The following SH2B1 variants were observed in gnomAD, a reference collection of about 807,000 sequenced individuals.
The protein encoded by SH2B1 is SH2B adapter protein 1.
In SH2B1, 15 loss-of-function variants were observed where a neutral mutation model predicts 62.6. That is an observed-to-expected ratio of 0.24 (90% CI 0.16 to 0.37). The LOEUF (loss-of-function observed/expected upper bound fraction) is 0.37, where lower values mean the gene tolerates loss of function less well. Among genes scored for constraint, SH2B1 ranks in the 10% least tolerant of loss-of-function variants. SH2B1 has a pLI of 1.00. For missense variants in SH2B1, 925 were observed against 1,015.6 expected (o/e 0.91, Z 1.21); for synonymous variants, 443 against 438.0 (o/e 1.01, Z -0.14).
upstream of SH2B1, among the ~76,000 whole-genome samples, chr16:28,859,874 C>A (rs1009837662): frequency 2.8e-5 from 3 of 108,526 alleles, no homozygotes; most frequent in Non-Finnish European, 6.5e-5. Context: ...ATAGACCCCC[C>A]CCCCCCGGCT....
intron 1 of SH2B1, among the ~76,000 whole-genome samples, chr16:28,852,926 TTTTA>T (rs1450759364): frequency 9.8e-5 from 4 of 40,800 alleles, no homozygotes; most frequent in South Asian, 1.6e-3. Context: ...ATATATATAT[TTTTA>T]TATATATGTA....
rs775649301 is a variant in SH2B1, at chr16:28,866,358, G to A, written c.264G>A (p.Ser88=). 3.0e-5 allele frequency: 48 copies of A among 1,612,892 alleles called. No individual in the cohort carries two copies. Among genetic ancestry groups the A allele is most frequent in the Middle Eastern group, 1.7e-4 (1 of 6,060 alleles). Residue 88 remains serine (S), a synonymous_variant, in exon 1 of 8, where the codon TCG becomes TCA. Coordinates refer to ENST00000684370, the MANE Select transcript of SH2B1 (RefSeq NM_001387430.1). The surrounding 1 kb of genome is among the most constrained non-coding windows in gnomAD (Gnocchi z 6.3). ...AEVARASGSL[S]PPILAPLSPG... ...TGGCCCGGGCCTCTGGCTCCCTGTC[G>A]CCACCCATCCTGGCTCCCCTGAGCC...
At chr16:28,863,616 C>T, upstream of SH2B1, 2 of 1,445,996 alleles carry the variant, frequency 1.4e-6, no homozygotes, top group Non-Finnish European at 1.9e-6. Flanking sequence ...TCCGGGAGGA[C>T]GCTCTGGTGG....
intron 1 of SH2B1, among the ~76,000 whole-genome samples, chr16:28,851,761 C>A (rs1338725423): frequency 6.7e-6 from 1 of 149,978 alleles, no homozygotes; most frequent in Non-Finnish European, 1.5e-5. Flanking sequence ...CCGCGCCTGG[C>A]CTTTTTTAAA....
intron 1 of SH2B1, among the ~76,000 whole-genome samples, chr16:28,847,534 G>A (rs1312115420): frequency 6.6e-6 from 1 of 152,058 alleles, no homozygotes; most frequent in African/African-American, 2.4e-5. Flanking sequence ...AGAAGAGGCT[G>A]GGCACGGTGG....
At position 28,863,846 on chromosome 16, in the gene SH2B1, C is replaced by G. The variant is rs1450092006; in HGVS notation, c.-2249C>G. The G allele has an allele frequency of 2.5e-5, 38 of 1,528,378 alleles. No homozygotes were observed. The highest frequency in any genetic ancestry group is 1.4e-5 in the African/African-American group (1 of 72,696). 94.7% of individuals were successfully genotyped at this position (1,528,378 alleles called of 1,614,324 possible). A position where few individuals can be genotyped will look rare whatever the true frequency, so the allele number is the denominator to read the frequency against. ...AGGGGGTCCTGACGCCTGCGCGGAACCGGGCTGGGCGCTCGTCGCGTAGTG... is the reference window on the plus strand; with the variant it reads ...AGGGGGTCCTGACGCCTGCGCGGAAGCGGGCTGGGCGCTCGTCGCGTAGTG... On this transcript the variant is annotated 5_prime_UTR_variant, in exon 1 of 8. Coordinates refer to ENST00000684370, the MANE Select transcript of SH2B1 (RefSeq NM_001387430.1).
At chr16:28,862,065 T>C (rs1367902327), upstream of SH2B1, 2 of 152,214 alleles carry the variant, frequency 1.3e-5, no homozygotes, top group African/African-American at 4.8e-5. Context: ...ATCTGTCCGC[T>C]CTGGACTTTT....
intron 1 of SH2B1, among the ~76,000 whole-genome samples, chr16:28,858,539 A>C (rs2152163798): frequency 6.6e-6 from 1 of 152,150 alleles, no homozygotes; most frequent in South Asian, 2.1e-4. Context: ...GGTGTTACAT[A>C]AGGAACTTCT....
chr16:28,870,766 C>T (rs1209459512), intron 4 of SH2B1, among the ~76,000 whole-genome samples: 1 of 152,084 alleles, frequency 6.6e-6, no homozygotes, highest in Non-Finnish European at 1.5e-5. Context: ...TTCCTGCAGC[C>T]TTGACCTCCC....
At chr16:28,868,441 A>C (rs1348249851) in intron 2 of SH2B1, among the ~76,000 whole-genome samples, 1 of 150,322 alleles carries the variant, frequency 6.7e-6, no homozygotes, top group Non-Finnish European at 1.5e-5. Flanking sequence ...CGCCTGGCCT[A>C]TTTTATTTTA....
upstream of SH2B1, chr16:28,863,735 C>A: frequency 6.5e-7 from 1 of 1,535,734 alleles, no homozygotes; most frequent in Non-Finnish European, 8.7e-7. Context: ...GGGTCGGCGC[C>A]GAGTGGGAGG....
At chr16:28,867,954 G>A (rs1962816569) in intron 2 of SH2B1, among the ~76,000 whole-genome samples, 1 of 152,010 alleles carries the variant, frequency 6.6e-6, no homozygotes, top group South Asian at 2.1e-4. Flanking sequence ...TCAGCCTCCT[G>A]AGTAGTTGGG....
rs1415548299 is a variant in SH2B1 at position 28,852,775 on chromosome 16, T to C, written c.-301+5948T>C. 2.7e-5 allele frequency among the ~76,000 whole-genome samples: 2 copies of C among 73,690 alleles called. 1 individual carries two copies. The highest frequency in any genetic ancestry group is 4.9e-5 in the Non-Finnish European group (2 of 40,724). The allele number at this position is 73,690 out of a possible 152,430, so 48.3% of individuals were successfully genotyped here. On this transcript the variant is annotated intron_variant, in intron 1 of 10. Coordinates refer to the SH2B1 transcript ENST00000322610. ...ATATATATGTATATATATATTTATATATATATTTACATATATATTTACATA... is the reference window on the plus strand; with the variant it reads ...ATATATATGTATATATATATTTATACATATATTTACATATATATTTACATA...
intron 1 of SH2B1, among the ~76,000 whole-genome samples, chr16:28,851,185 A>AAAC (rs1962091195): frequency 6.6e-6 from 1 of 150,902 alleles, no homozygotes; most frequent in Admixed American, 6.6e-5. Context: ...AAAGAAAAAA[A>AAAC]AAAAAACCAA....
intron 1 of SH2B1, among the ~76,000 whole-genome samples, chr16:28,855,745 T>C (rs1003001925): frequency 2.7e-5 from 4 of 150,642 alleles, no homozygotes; most frequent in Admixed American, 2.0e-4. Context: ...GTTCATGCCA[T>C]TCTCCTGCCT....
chr16:28,855,628 CTTAT>C (rs113107402), intron 1 of SH2B1, among the ~76,000 whole-genome samples: 5 of 138,552 alleles, frequency 3.6e-5, no homozygotes, highest in East Asian at 2.1e-4. Flanking sequence ...GCACTAAGAA[CTTAT>C]TTATTTATTT....
chr16:28,851,608 G>A (rs1325485543), intron 1 of SH2B1, among the ~76,000 whole-genome samples: 5 of 151,080 alleles, frequency 3.3e-5, no homozygotes, highest in Admixed American at 6.6e-5. Flanking sequence ...GATTCCAGGC[G>A]CCTGCCACCA....
At position 28,852,888 on chromosome 16, in the gene SH2B1, T is replaced by G. The variant is rs56363222; in HGVS notation, c.-301+6061T>G. Among the ~76,000 whole-genome samples the G allele has an allele frequency of 2.2e-3, 115 of 52,040 alleles. 8 individuals carry two copies. Among genetic ancestry groups the G allele is most frequent in the Middle Eastern group, 0.036 (2 of 56 alleles). 34.1% of individuals were successfully genotyped at this position (52,040 alleles called of 152,430 possible). A position where few individuals can be genotyped will look rare whatever the true frequency, so the allele number is the denominator to read the frequency against. On this transcript the variant is annotated intron_variant, in intron 1 of 10. Coordinates refer to the SH2B1 transcript ENST00000322610. ...TTTACATATATATTTTTATATATATTTACATATATTTTTATATATACATGT... is the reference window on the plus strand; with the variant it reads ...TTTACATATATATTTTTATATATATGTACATATATTTTTATATATACATGT...
upstream of SH2B1, chr16:28,861,850 A>T (rs1337519071): frequency 6.6e-6 from 1 of 152,230 alleles, no homozygotes; most frequent in Non-Finnish European, 1.5e-5. Context: ...TGGAAATTTC[A>T]TTGGGAATCT....
Sources: allele counts gnomAD v4.1 joint callset (sites outside exome capture counted in the v4.1 genomes callset), GRCh38; gene constraint gnomAD v4.1.1; non-coding constraint Gnocchi (gnomAD v3.1); transcripts MANE v1.5; gene names NCBI Gene and HGNC (gene_info 2026-07-23, HGNC 2026-07-21).